Variants in NCAPD3 observed in about 807,000 individuals in gnomAD.
The protein encoded by NCAPD3 is condensin-2 complex subunit D3.
A neutral mutation model predicts 182.9 loss-of-function variants in NCAPD3; 105 were observed. The observed-to-expected ratio is 0.57, with a 90% CI of 0.49 to 0.68. NCAPD3 has a LOEUF of 0.68. Ranked by LOEUF, NCAPD3 falls within the 30% of genes least tolerant of loss-of-function variation. The pLI, the probability that NCAPD3 is intolerant of heterozygous loss-of-function variation, is 0.00. For missense variants in NCAPD3, 1,944 were observed against 1,837.0 expected (o/e 1.06, Z -1.07); for synonymous variants, 815 against 679.9 (o/e 1.20, Z -3.09).
At position 134,210,150 on chromosome 11, in the gene NCAPD3, T is replaced by C. The variant is rs1937776905; in HGVS notation, c.567+120A>G. The C allele has an allele frequency of 3.9e-6, 3 of 778,320 alleles. No individual in the cohort carries two copies. The African/African-American group carries it at 5.2e-5, about 13-fold the overall frequency. 48.2% of individuals were successfully genotyped at this position (778,320 alleles called of 1,614,324 possible). ...CAAAGCAGTATTGGATAGCTTATGA[T>C]GGTTTAGGACCATTTGCCTATAATC... On this transcript the variant is annotated intron_variant, in intron 4 of 34. Coordinates refer to ENST00000534548, the MANE Select transcript of NCAPD3 (RefSeq NM_015261.3).
At chr11:134,156,573 G>A (rs1328441392) in intron 32 of NCAPD3, among the ~76,000 whole-genome samples, 6 of 152,194 alleles carry the variant, frequency 3.9e-5, no homozygotes, top group Admixed American at 3.9e-4. Context: ...CACAGGCTCC[G>A]AGCAGGGGTC....
Position 134,181,138 on chromosome 11 carries a change from T to A in NCAPD3, c.2498A>T (p.His833Leu), listed in dbSNP as rs755879786. The change falls in exon 20 of 35, where the codon CAC becomes CTC. Residue 833 changes from histidine (H) to leucine (L), a missense_variant. Transcript: ENST00000534548. ...VCGDVLSTCE[H>L]RLSNIVLKEN... ...CTTGAGAACGATGTTGGAGAGGCGG[T>A]GCTCGCAGGTGGAGAGTACATCCCC... The A allele has an allele frequency of 6.2e-7, 1 of 1,614,144 alleles. No individual in the cohort carries two copies. The highest frequency in any genetic ancestry group is 8.5e-7 in the Non-Finnish European group (1 of 1,180,026).
At chr11:134,191,534 A>C (rs1034336975) in intron 16 of NCAPD3, among the ~76,000 whole-genome samples, 69 of 152,226 alleles carry the variant, frequency 4.5e-4, no homozygotes, top group African/African-American at 1.4e-3. Context: ...TAAATTTTAA[A>C]ACCTCCCAAC....
intron 3 of NCAPD3, 24 bp downstream of exon 3, chr11:134,216,912 T>C: frequency 1.3e-6 from 2 of 1,565,654 alleles, no homozygotes; most frequent in Non-Finnish European, 1.7e-6. Context: ...AGAAGATTTA[T>C]CCTATCATAT....
upstream of NCAPD3, chr11:134,224,187 T>C: frequency 1.7e-6 from 1 of 581,986 alleles, no homozygotes; most frequent in Non-Finnish European, 3.1e-6. Flanking sequence ...AGCCAGGGCC[T>C]GAGTTAAACC....
rs746072008 is a variant in NCAPD3 at position 134,181,143 on chromosome 11, G to A, written c.2493C>T (p.Cys831=). ...GAACGATGTTGGAGAGGCGGTGCTC[G>A]CAGGTGGAGAGTACATCCCCACACA... is the stretch of plus-strand genomic sequence containing the variant. ...TQVCGDVLST[C]EHRLSNIVLK... Residue 831 remains cysteine, a synonymous_variant, in exon 20 of 35, where the codon TGC becomes TGT. Transcript: ENST00000534548. 3.5e-5 allele frequency: 56 copies of A among 1,613,944 alleles called. No individual in the cohort carries two copies. The East Asian group carries it at 6.7e-4, about 19-fold the overall frequency.
At chr11:134,184,182 A>G (rs1229834068) in intron 19 of NCAPD3, among the ~76,000 whole-genome samples, 1 of 152,246 alleles carries the variant, frequency 6.6e-6, no homozygotes, top group Non-Finnish European at 1.5e-5. Context: ...CCAACAAGAG[A>G]TATTTGAGTA....
At position 134,178,707 on chromosome 11, in the gene NCAPD3, C is replaced by G. The variant is rs781447868; in HGVS notation, c.2709G>C (p.Ala903=). ...PSSQGSSEAP[A]SQPPPQVRGS... ...CTCTGACCTGGGGGGGTGGCTGAGA[C>G]GCTGGGGCCTCACTGCTGCCTTGAG... Residue 903 remains alanine, a synonymous_variant, in exon 22 of 35, where the codon GCG becomes GCC. Coordinates refer to ENST00000534548, the MANE Select transcript of NCAPD3 (RefSeq NM_015261.3). 1 of 1,603,534 alleles carries G rather than the reference C, an allele frequency of 6.2e-7. No individual in the cohort carries two copies. The highest frequency in any genetic ancestry group is 8.5e-7 in the Non-Finnish European group (1 of 1,173,478).
intron 19 of NCAPD3, 66 bp downstream of exon 19, chr11:134,184,571 A>G (rs906338759): frequency 2.6e-6 from 3 of 1,163,764 alleles, no homozygotes; most frequent in Middle Eastern, 2.8e-4. Context: ...TCACACTTCA[A>G]AACACATACA....
intron 13 of NCAPD3, 81 bp from the exon 14 acceptor site, chr11:134,194,819 A>C (rs1944593384): frequency 2.3e-6 from 2 of 864,508 alleles, no homozygotes; most frequent in Non-Finnish European, 3.7e-6. Context: ...AATACCCAGA[A>C]AATACACTCA....
At chr11:134,188,072 G>T (rs1430421673) in intron 16 of NCAPD3, among the ~76,000 whole-genome samples, 2 of 152,158 alleles carry the variant, frequency 1.3e-5, no homozygotes, top group Admixed American at 1.3e-4. Context: ...GTCAAGTGGG[G>T]ACATGGAGAA....
chr11:134,221,103 CAAGTT>C (rs939644489), intron 1 of NCAPD3, among the ~76,000 whole-genome samples: 24 of 152,128 alleles, frequency 1.6e-4, no homozygotes, highest in African/African-American at 5.6e-4. Context: ...ATATCATAAC[CAAGTT>C]AATAAGTGGA....
chr11:134,165,632 TTAGGGGAGG>T, intron 27 of NCAPD3, among the ~76,000 whole-genome samples: 1 of 132,214 alleles, frequency 7.6e-6, no homozygotes, highest in Non-Finnish European at 1.6e-5. Context: ...TGAGATGAGC[TTAGGGGAGG>T]CCCACACTCG....
In NCAPD3 at chr11:134,151,761, T is replaced by C. The variant is rs1943243824; in HGVS notation, c.*1183A>G. 6.6e-6 allele frequency: 1 copy of C among 152,208 alleles called. No individual in the cohort carries two copies. Among genetic ancestry groups the C allele is most frequent in the Non-Finnish European group, 1.5e-5 (1 of 68,036 alleles). The allele number at this position is 152,208 out of a possible 1,614,324, so 9.4% of individuals were successfully genotyped here. ...AGCTTCAAAAAAACCCAAACATTGC[T>C]TCATTCTTTGTTATTTGCTCTTACG... On this transcript the variant is annotated 3_prime_UTR_variant, in exon 35 of 35. Transcript: ENST00000534548.
intron 13 of NCAPD3, among the ~76,000 whole-genome samples, chr11:134,198,862 G>T (rs1034915954): frequency 1.3e-5 from 2 of 152,056 alleles, no homozygotes; most frequent in Non-Finnish European, 2.9e-5. Flanking sequence ...CTATTGAAAA[G>T]AATAAAAACA....
chr11:134,192,856 C>CGT lies in NCAPD3; in HGVS notation c.1877_1878insAC (p.Val627ArgfsTer3). Reference sequence around the variant, plus strand: ...CAGTGCTCTCGCAGTCCATCACCACCGGGACCACCCCCCGCAACCAGGCTT... The same window carrying CGT: ...CAGTGCTCTCGCAGTCCATCACCACCGTGGGACCACCCCCCGCAACCAGGCTT... On this transcript the variant is annotated frameshift_variant, in exon 16 of 35. Transcript: ENST00000534548. LOFTEE classifies it high-confidence loss of function. 1 of 1,614,042 alleles carries CGT rather than the reference C, an allele frequency of 6.2e-7. No individual in the cohort carries two copies. The highest frequency in any genetic ancestry group is 8.5e-7 in the Non-Finnish European group (1 of 1,179,926).
rs888925760 is a variant in NCAPD3 at position 134,150,282 on chromosome 11, C to G, written c.*2662G>C. The G allele has an allele frequency of 1.4e-4, 21 of 152,410 alleles. No homozygotes were observed. Among genetic ancestry groups the G allele is most frequent in the Admixed American group, 9.8e-4 (15 of 15,284 alleles). 9.4% of individuals were successfully genotyped at this position (152,410 alleles called of 1,614,324 possible). Reference sequence around the variant, plus strand: ...TTGCATCTCTTCAAAAGAAACCTCTCAGGTTAGCTTTGAACTGCCTCTTCC... The same window carrying G: ...TTGCATCTCTTCAAAAGAAACCTCTGAGGTTAGCTTTGAACTGCCTCTTCC... On this transcript the variant is annotated 3_prime_UTR_variant, in exon 35 of 35. Coordinates refer to ENST00000534548, the MANE Select transcript of NCAPD3 (RefSeq NM_015261.3).
intron 16 of NCAPD3, among the ~76,000 whole-genome samples, chr11:134,189,557 CT>C (rs1328426051): frequency 1.3e-5 from 2 of 152,116 alleles, no homozygotes; most frequent in South Asian, 2.1e-4. Context: ...TTCAAATGCT[CT>C]TTTTTGAGGT....
Position 134,178,746 on chromosome 11 carries a change from AAAG to A in NCAPD3, c.2675-8_2675-6del. ...TGCTGCCTTGAGATGATGGTGCTGC[AAAG>A]AAGGGAGAGAAAGTTACCGACAGAA... On this transcript the variant is annotated splice_region_variant and splice_polypyrimidine_tract_variant and intron_variant, in intron 21 of 34. Coordinates refer to ENST00000534548, the MANE Select transcript of NCAPD3 (RefSeq NM_015261.3). 6.2e-7 allele frequency: 1 copy of A among 1,609,168 alleles called. No individual in the cohort carries two copies. The highest frequency in any genetic ancestry group is 8.5e-7 in the Non-Finnish European group (1 of 1,176,218).
Sources: allele counts gnomAD v4.1 joint callset (sites outside exome capture counted in the v4.1 genomes callset), GRCh38; gene constraint gnomAD v4.1.1; transcripts MANE v1.5; gene names NCBI Gene and HGNC (gene_info 2026-07-23, HGNC 2026-07-21).